Variants in CPQ observed in about 807,000 individuals in gnomAD.
The protein encoded by CPQ is Ser-Met dipeptidase.
A neutral mutation model predicts 45.7 loss-of-function variants in CPQ; 37 were observed. That is an observed-to-expected ratio of 0.81 (90% CI 0.62 to 1.07). The LOEUF (loss-of-function observed/expected upper bound fraction) is 1.07, where lower values mean the gene tolerates loss of function less well. Among genes scored for constraint, CPQ ranks in the 50% least tolerant of loss-of-function variants. The pLI is 0.00. For synonymous variants in CPQ, 186 were observed against 205.8 expected, an observed-to-expected ratio of 0.90 and a Z score of 0.82; for missense variants, 537 against 572.9, an observed-to-expected ratio of 0.94 and a Z score of 0.64.
At chr8:96,686,513 G>C (rs1226498053) in intron 1 of CPQ, among the ~76,000 whole-genome samples, 1 of 151,624 alleles carries the variant, frequency 6.6e-6, no homozygotes, top group Non-Finnish European at 1.5e-5. Flanking sequence ...TAGATTTATT[G>C]TTATACATTA....
chr8:96,731,642 G>A (rs1442773652), intron 1 of CPQ, among the ~76,000 whole-genome samples: 1 of 152,100 alleles, frequency 6.6e-6, no homozygotes, highest in Non-Finnish European at 1.5e-5. Context: ...GTTAATCAAT[G>A]GGGAGGGAAC....
At chr8:96,691,902 C>CA (rs1393010168) in intron 1 of CPQ, among the ~76,000 whole-genome samples, 5 of 152,154 alleles carry the variant, frequency 3.3e-5, no homozygotes, top group Admixed American at 2.0e-4. Flanking sequence ...AAAATATGTC[C>CA]AAAACCATAT....
At chr8:97,105,785 C>T (rs1811393851) in intron 7 of CPQ, among the ~76,000 whole-genome samples, 1 of 152,090 alleles carries the variant, frequency 6.6e-6, no homozygotes, top group South Asian at 2.1e-4. Context: ...TATTTCATTC[C>T]CCAAACAGCT....
chr8:96,971,846 T>G (rs1813684860), intron 5 of CPQ, among the ~76,000 whole-genome samples: 1 of 152,152 alleles, frequency 6.6e-6, no homozygotes, highest in Admixed American at 6.5e-5. Flanking sequence ...ATTAGAAACT[T>G]GAAGAAATTG....
chr8:96,992,956 G>C lies in CPQ; in HGVS notation c.961+26910G>C, dbSNP rs902798429. 1.5e-4 allele frequency among the ~76,000 whole-genome samples: 23 copies of C among 152,146 alleles called. 1 individual carries two copies. The highest frequency in any genetic ancestry group is 2.6e-4 in the Admixed American group (4 of 15,262). On this transcript the variant is annotated intron_variant, in intron 5 of 7. Transcript: ENST00000220763. ...ACACAAATGGGCAGAACACAATGAT[G>C]AATGTCTCAATTCAGACAGGAATTG... is the stretch of plus-strand genomic sequence containing the variant.
intron 6 of CPQ, among the ~76,000 whole-genome samples, chr8:97,043,612 C>T (rs1488269847): frequency 6.6e-6 from 1 of 152,190 alleles, no homozygotes; most frequent in Non-Finnish European, 1.5e-5. Context: ...CATGATTTTG[C>T]AGTGGCTGCT....
chr8:96,833,945 G>C (rs1811492003), intron 2 of CPQ, among the ~76,000 whole-genome samples: 1 of 152,074 alleles, frequency 6.6e-6, no homozygotes, highest in Non-Finnish European at 1.5e-5. Flanking sequence ...TATTTCTCTA[G>C]TTTTTAATAT....
intron 1 of CPQ, among the ~76,000 whole-genome samples, chr8:96,659,027 G>A (rs1045758329): frequency 2.6e-5 from 4 of 152,232 alleles, no homozygotes; most frequent in African/African-American, 4.8e-5. Context: ...ACCGCCATAT[G>A]GGGTTGTTGT....
rs1369347299 is a variant in CPQ at position 96,804,267 on chromosome 8, A to G, written c.433+18937A>G. Among the ~76,000 whole-genome samples the G allele has an allele frequency of 2.6e-5, 4 of 152,162 alleles. No homozygotes were observed. The East Asian group carries it at 7.7e-4, about 29-fold the overall frequency. On this transcript the variant is annotated intron_variant, in intron 2 of 7. Transcript: ENST00000220763. The stretch of plus-strand genomic sequence containing the variant: ...CAGGTGGACTATAGAAAACCTTGCT[A>G]AGGCTCTTATGTGCTCTCACACTTC...
chr8:96,687,020 T>A (rs1809238313), intron 1 of CPQ, among the ~76,000 whole-genome samples: 1 of 152,108 alleles, frequency 6.6e-6, no homozygotes, highest in Non-Finnish European at 1.5e-5. Context: ...TTGTTTCTTG[T>A]TCTTTGTATT....
intron 6 of CPQ, among the ~76,000 whole-genome samples, chr8:97,044,649 C>G (rs1810200002): frequency 2.0e-5 from 3 of 152,268 alleles, no homozygotes; most frequent in African/African-American, 7.2e-5. Context: ...TGGTGATGTA[C>G]AGATGGGTTT....
At chr8:96,762,792 G>A (rs1810420845) in intron 1 of CPQ, among the ~76,000 whole-genome samples, 1 of 152,054 alleles carries the variant, frequency 6.6e-6, no homozygotes, top group African/African-American at 2.4e-5. Context: ...TATATCCCAA[G>A]GTCACAAAGG....
chr8:97,034,199 G>T (rs1042371759), intron 6 of CPQ, among the ~76,000 whole-genome samples: 2 of 152,100 alleles, frequency 1.3e-5, no homozygotes, highest in Admixed American at 1.3e-4. Flanking sequence ...GGCAAAAATG[G>T]TCTATAAGCA....
chr8:97,120,221 T>A (rs1197982351), intron 7 of CPQ, among the ~76,000 whole-genome samples: 3 of 152,182 alleles, frequency 2.0e-5, no homozygotes, highest in Non-Finnish European at 4.4e-5. Flanking sequence ...ATAAGGAGGC[T>A]AAGGCTGGCC....
chr8:96,868,528 C>T (rs1812023097), intron 3 of CPQ, among the ~76,000 whole-genome samples: 1 of 151,964 alleles, frequency 6.6e-6, no homozygotes, highest in South Asian at 2.1e-4. Context: ...TTCATTCTCA[C>T]AATGTTTATG....
intron 5 of CPQ, among the ~76,000 whole-genome samples, chr8:97,027,914 A>G (rs1586502148): frequency 6.6e-6 from 1 of 152,228 alleles, no homozygotes. Flanking sequence ...TCCTGGCTAC[A>G]GTGTGAAGCA....
At chr8:96,696,814 A>G (rs576103500) in intron 1 of CPQ, among the ~76,000 whole-genome samples, 65 of 152,308 alleles carry the variant, frequency 4.3e-4, no homozygotes, top group Admixed American at 1.2e-3. Context: ...AGATTGAACT[A>G]TGGAGGAATC....
intron 5 of CPQ, among the ~76,000 whole-genome samples, chr8:97,003,212 T>C (rs1017510751): frequency 2.0e-5 from 3 of 152,134 alleles, no homozygotes; most frequent in Non-Finnish European, 4.4e-5. Context: ...TCTTTATCCA[T>C]CTTGTCACTC....
intron 1 of CPQ, among the ~76,000 whole-genome samples, chr8:96,764,924 A>G (rs964504805): frequency 3.3e-5 from 5 of 152,218 alleles, no homozygotes; most frequent in African/African-American, 1.2e-4. Flanking sequence ...TCTAGTTGCT[A>G]GAGGCTACTT....
Sources: gnomAD v4.1 joint callset for allele counts (sites outside exome capture counted in the v4.1 genomes callset) on GRCh38, gnomAD v4.1.1 for gene constraint, MANE v1.5 for transcripts, NCBI Gene and HGNC (gene_info 2026-07-23, HGNC 2026-07-21) for gene names.